Variants in CDH18 observed in about 807,000 individuals in gnomAD.
CDH18 encodes cadherin 18, also known as cadherin-18.
Under a neutral mutation model 67.9 loss-of-function variants are expected in CDH18, and 31 were observed. The ratio of observed to expected loss-of-function variants is 0.46; its 90% confidence interval spans 0.34 to 0.62. CDH18 has a LOEUF of 0.62. Among genes scored for constraint, CDH18 ranks in the 20% least tolerant of loss-of-function variants. The pLI is 0.01. For synonymous variants in CDH18, 362 were observed against 347.2 expected (o/e 1.04, Z -0.48); for missense variants, 890 against 975.5 (o/e 0.91, Z 1.17).
At chr5:19,896,182 C>A (rs899238505) in intron 2 of CDH18, among the ~76,000 whole-genome samples, 1 of 152,006 alleles carries the variant, frequency 6.6e-6, no homozygotes, top group Admixed American at 6.6e-5. Context: ...CATGGTGAAA[C>A]CCCTTCTCTA....
At chr5:19,735,284 T>G (rs1768153024) in intron 4 of CDH18, among the ~76,000 whole-genome samples, 1 of 152,328 alleles carries the variant, frequency 6.6e-6, no homozygotes, top group African/African-American at 2.4e-5. Context: ...AGTGTATTTT[T>G]AGTTATAAAG....
intron 3 of CDH18, among the ~76,000 whole-genome samples, chr5:19,789,288 A>G (rs1776127407): frequency 6.6e-6 from 1 of 152,228 alleles, no homozygotes; most frequent in African/African-American, 2.4e-5. Flanking sequence ...TAAAGTAAAA[A>G]TAATAGTACT....
chr5:20,352,772 G>A (rs1464009006), intron 1 of CDH18, among the ~76,000 whole-genome samples: 1 of 151,860 alleles, frequency 6.6e-6, no homozygotes, highest in Non-Finnish European at 1.5e-5. Context: ...TAGCCTGGGC[G>A]ATAGAGAGAG....
intron 5 of CDH18, among the ~76,000 whole-genome samples, chr5:19,678,407 G>T (rs1759803759): frequency 6.6e-6 from 1 of 151,998 alleles, no homozygotes; most frequent in Admixed American, 6.6e-5. Flanking sequence ...ATACAATTAA[G>T]ATGGTAATTC....
rs74616012 is a variant in CDH18 at position 20,549,520 on chromosome 5, C to T, written c.-580+25942G>A. 5.8e-4 allele frequency among the ~76,000 whole-genome samples: 88 copies of T among 151,884 alleles called. No homozygotes were observed. The East Asian group carries it at 0.011, about 19-fold the overall frequency. On this transcript the variant is annotated intron_variant, in intron 1 of 14. Transcript: ENST00000507958. Reference sequence around the variant, plus strand: ...AGTAGGTTATAGAGGAAAGCACGGCCGAAATAACAGAGAATATTATATTTA... The same window carrying T: ...AGTAGGTTATAGAGGAAAGCACGGCTGAAATAACAGAGAATATTATATTTA...
At chr5:20,147,948 G>A (rs1189658299) in intron 2 of CDH18, among the ~76,000 whole-genome samples, 1 of 152,110 alleles carries the variant, frequency 6.6e-6, no homozygotes, top group Non-Finnish European at 1.5e-5. Flanking sequence ...AGTTAGAATA[G>A]TTCAGACTAA....
At chr5:20,397,079 A>T (rs1174838260) in intron 1 of CDH18, among the ~76,000 whole-genome samples, 1 of 152,130 alleles carries the variant, frequency 6.6e-6, no homozygotes, top group Non-Finnish European at 1.5e-5. Context: ...TCACATAACT[A>T]GAAGAACATT....
intron 4 of CDH18, among the ~76,000 whole-genome samples, chr5:19,734,540 A>G (rs1007821406): frequency 6.6e-6 from 1 of 152,194 alleles, no homozygotes; most frequent in Admixed American, 6.5e-5. Flanking sequence ...TAGAATAAAA[A>G]TATTTTTTCT....
chr5:20,297,498 C>T (rs546708994), intron 1 of CDH18, among the ~76,000 whole-genome samples: 6 of 152,058 alleles, frequency 3.9e-5, no homozygotes, highest in Admixed American at 1.3e-4. Flanking sequence ...GCCTATGCAA[C>T]GAAAGAAACA....
chr5:20,427,716 C>A (rs1748411397), intron 1 of CDH18, among the ~76,000 whole-genome samples: 1 of 151,026 alleles, frequency 6.6e-6, no homozygotes, highest in Admixed American at 6.6e-5. Flanking sequence ...ATTCTTTCCA[C>A]TGACTTTATA....
intron 4 of CDH18, among the ~76,000 whole-genome samples, chr5:19,730,810 G>T (rs1435462273): frequency 6.7e-6 from 1 of 148,804 alleles, no homozygotes; most frequent in African/African-American, 2.5e-5. Flanking sequence ...AAAAAGTAAT[G>T]CATTTGTAGT....
chr5:19,489,814 A>G (rs1470514193), intron 11 of CDH18, among the ~76,000 whole-genome samples: 1 of 152,242 alleles, frequency 6.6e-6, no homozygotes, highest in Non-Finnish European at 1.5e-5. Context: ...GAAGAATATC[A>G]GGAAATGTGC....
intron 5 of CDH18, among the ~76,000 whole-genome samples, chr5:19,652,016 T>C (rs948074534): frequency 6.6e-6 from 1 of 152,098 alleles, no homozygotes; most frequent in Non-Finnish European, 1.5e-5. Flanking sequence ...TAACGATTCA[T>C]AGCTATTAAT....
intron 2 of CDH18, among the ~76,000 whole-genome samples, chr5:20,107,691 C>T (rs1468064913): frequency 6.6e-6 from 1 of 152,132 alleles, no homozygotes; most frequent in Non-Finnish European, 1.5e-5. Flanking sequence ...CGATGGCTGT[C>T]TTCTCACTGC....
At chr5:19,667,503 TATATACAC>T (rs1052003067) in intron 5 of CDH18, among the ~76,000 whole-genome samples, 2 of 123,352 alleles carry the variant, frequency 1.6e-5, no homozygotes, top group African/African-American at 5.5e-5. Context: ...TATATATATA[TATATACAC>T]ACACACACAC....
rs547269175 is a variant in CDH18, at chr5:20,237,388, A to T, written c.-518+18056T>A. Among the ~76,000 whole-genome samples the T allele has an allele frequency of 7.9e-5, 12 of 151,932 alleles. No individual in the cohort carries two copies. The East Asian group carries it at 1.4e-3, about 17-fold the overall frequency. On this transcript the variant is annotated intron_variant, in intron 2 of 14. Transcript: ENST00000507958. ...ATTAGAAAAGAAGAAATAAAAAGTT[A>T]TTTTTTTCCACAGGTGAAATGATTA...
chr5:19,702,455 T>C (rs1763392668), intron 5 of CDH18, among the ~76,000 whole-genome samples: 1 of 150,870 alleles, frequency 6.6e-6, no homozygotes, highest in Non-Finnish European at 1.5e-5. Flanking sequence ...TGCTGCAGCA[T>C]TCTTTCTAAC....
chr5:19,544,348 C>T (rs1169880464), intron 8 of CDH18, among the ~76,000 whole-genome samples: 1 of 151,768 alleles, frequency 6.6e-6, no homozygotes, highest in African/African-American at 2.4e-5. Context: ...AAATATTAAA[C>T]CTATAATAAG....
At chr5:20,164,992 T>C (rs60032384) in intron 2 of CDH18, among the ~76,000 whole-genome samples, 6,493 of 152,162 alleles carry the variant, frequency 0.043, 489 homozygotes, top group African/African-American at 0.15. Context: ...AAAAATAAAT[T>C]TGTTCATAAT....
Sources: allele counts gnomAD v4.1 joint callset (sites outside exome capture counted in the v4.1 genomes callset), GRCh38; gene constraint gnomAD v4.1.1; transcripts MANE v1.5; gene names NCBI Gene and HGNC (gene_info 2026-07-23, HGNC 2026-07-21).